The following ANKRD35 variants were observed in gnomAD, a reference collection of about 807,000 sequenced individuals.
ANKRD35 encodes ankyrin repeat domain-containing protein 35.
Under a neutral mutation model 109.9 loss-of-function variants are expected in ANKRD35, and 102 were observed. That is an observed-to-expected ratio of 0.93 (90% confidence interval 0.79 to 1.09). The LOEUF (loss-of-function observed/expected upper bound fraction) is 1.09, where lower values mean the gene tolerates loss of function less well. Among genes scored for constraint, ANKRD35 ranks in the 50% least tolerant of loss-of-function variants. ANKRD35 has a pLI of 0.00. For synonymous variants in ANKRD35, 515 were observed against 512.4 expected (o/e 1.01, Z -0.07); for missense variants, 1,240 against 1,230.1 (o/e 1.01, Z -0.12).
intron 12 of ANKRD35, 103 bp downstream of exon 12, chr1:145,867,888 G>A: frequency 8.9e-7 from 1 of 1,118,356 alleles, no homozygotes; most frequent in Non-Finnish European, 1.4e-6. Flanking sequence ...CCGAGAAACA[G>A]CAAGTGTGTA....
chr1:145,874,269 C>G, intron 8 of ANKRD35, 77 bp from the exon 9 acceptor site: 3 of 1,522,332 alleles, frequency 2.0e-6, no homozygotes, highest in Non-Finnish European at 2.7e-6. Context: ...TATCTTCAGA[C>G]TTTTTCTGAG....
chr1:145,882,399 G>A (rs1443332347), intron 1 of ANKRD35, among the ~76,000 whole-genome samples: 1 of 144,640 alleles, frequency 6.9e-6, no homozygotes, highest in East Asian at 2.0e-4. Flanking sequence ...GGGCTCAGGT[G>A]ATCCTCCCAC....
At chr1:145,868,201 TGTAATTCCTAGAATGTCTCCCTCA>T (rs1321834593) in intron 11 of ANKRD35, 86 bp downstream of exon 11, 44 of 1,486,148 alleles carry the variant, frequency 3.0e-5, no homozygotes, top group South Asian at 1.5e-4. Flanking sequence ...GCCAGGCCTC[TGTAATTCCTAGAATGTCTCCCTCA>T]GTAATTCCTA....
At chr1:145,877,881 C>A in intron 4 of ANKRD35, 87 bp downstream of exon 4, 12 of 1,367,218 alleles carry the variant, frequency 8.8e-6, no homozygotes, top group Non-Finnish European at 1.2e-5. Flanking sequence ...ATTTGGCCAA[C>A]TATTCCTTTT....
At position 145,870,541 on chromosome 1, in the gene ANKRD35, T is replaced by C. The variant is rs1166666686; in HGVS notation, c.2787+1441A>G. On this transcript the variant is annotated intron_variant, in intron 10 of 13. Coordinates refer to ENST00000355594, the MANE Select transcript of ANKRD35 (RefSeq NM_144698.5). Reference sequence around the variant, plus strand: ...AATCTTGGTCCAGAGAACACATTCTTAACCATGACACTATGTTTGCTTTCA... The same window carrying C: ...AATCTTGGTCCAGAGAACACATTCTCAACCATGACACTATGTTTGCTTTCA... 3.3e-5 allele frequency among the ~76,000 whole-genome samples: 5 copies of C among 152,316 alleles called. No individual in the cohort carries two copies. In the East Asian group the frequency reaches 7.7e-4, roughly 24 times the overall value.
rs1312849363 is a variant in ANKRD35, at chr1:145,877,878, C to T, written c.324+90G>A. 3.2e-5 allele frequency: 43 copies of T among 1,338,782 alleles called. No individual in the cohort carries two copies. In the East Asian group the frequency reaches 9.6e-4, roughly 30 times the overall value. 82.9% of individuals were successfully genotyped at this position (1,338,782 alleles called of 1,614,324 possible). A position where few individuals can be genotyped will look rare whatever the true frequency, so the allele number is the denominator to read the frequency against. ...TGGGGATGAGGCGAGTACATTTGGC[C>T]AACTATTCCTTTTAAGTATGAAATG... is the stretch of plus-strand genomic sequence containing the variant. On this transcript the variant is annotated intron_variant, in intron 4 of 13. Coordinates refer to ENST00000355594, the MANE Select transcript of ANKRD35 (RefSeq NM_144698.5).
At chr1:145,883,434 C>T (rs1654365608) in intron 1 of ANKRD35, among the ~76,000 whole-genome samples, 1 of 152,170 alleles carries the variant, frequency 6.6e-6, no homozygotes, top group African/African-American at 2.4e-5. Flanking sequence ...TTCTGGTCTA[C>T]CTAGGCAGAG....
In ANKRD35 at chr1:145,873,387, G is replaced by C. The variant is rs1653926911; in HGVS notation, c.1382C>G (p.Pro461Arg). The change falls in exon 10 of 14, where the codon CCT (proline) becomes CGT (arginine). Residue 461 changes from proline to arginine, a missense_variant. Coordinates refer to ENST00000355594, the MANE Select transcript of ANKRD35 (RefSeq NM_144698.5). The stretch of plus-strand genomic sequence containing the variant: ...CTGGGAACTCTCCTTCTGACCAGCA[G>C]GCAGCTGGTCAGCATGATCAGGGCC... ...TFGPDHADQLPAGQKESSQVL... is the reference protein window; with the variant it reads ...TFGPDHADQLRAGQKESSQVL... 1 of 1,614,070 alleles carries C rather than the reference G, an allele frequency of 6.2e-7. No individual in the cohort carries two copies. The highest frequency in any genetic ancestry group is 8.5e-7 in the Non-Finnish European group (1 of 1,180,046).
At position 145,872,976 on chromosome 1, in the gene ANKRD35, G is replaced by A; in HGVS notation, c.1793C>T (p.Ala598Val). The A allele has an allele frequency of 6.2e-7, 1 of 1,608,850 alleles. No individual in the cohort carries two copies. Among genetic ancestry groups the A allele is most frequent in the South Asian group, 1.1e-5 (1 of 90,476 alleles). The change falls in exon 10 of 14, where the codon GCC becomes GTC. Residue 598 changes from alanine to valine, a missense_variant. Physicochemically the swap from Ala to Val is moderately conservative, Grantham distance 64 (BLOSUM62 0). Coordinates refer to ENST00000355594, the MANE Select transcript of ANKRD35 (RefSeq NM_144698.5). ...VPGAQGEPLG[A>V]LGGEKALGGL... ...TCCTAGGGCCTTTTCCCCTCCAAGGGCCCCTAGAGGCTCTCCTTGAGCCCC... is the reference window on the plus strand; with the variant it reads ...TCCTAGGGCCTTTTCCCCTCCAAGGACCCCTAGAGGCTCTCCTTGAGCCCC...
intron 8 of ANKRD35, 50 bp downstream of exon 8, chr1:145,874,772 G>A: frequency 6.7e-7 from 1 of 1,497,702 alleles, no homozygotes; most frequent in South Asian, 1.4e-5. Context: ...GGGACTCTAA[G>A]AAACTTCTCT....
At chr1:145,875,722 G>A (rs1276539758) in intron 7 of ANKRD35, among the ~76,000 whole-genome samples, 1 of 151,856 alleles carries the variant, frequency 6.6e-6, no homozygotes, top group Non-Finnish European at 1.5e-5. Context: ...CCAATTTTTT[G>A]TATTTTTAGT....
chr1:145,876,395 C>A (rs1654076583), intron 6 of ANKRD35, 149 bp from the exon 7 acceptor site: 1 of 1,126,044 alleles, frequency 8.9e-7, no homozygotes, highest in African/African-American at 1.6e-5. Context: ...GTTAGAAGCT[C>A]TCCAGAAGAT....
At chr1:145,881,215 G>T (rs960682686) in intron 1 of ANKRD35, among the ~76,000 whole-genome samples, 1 of 152,210 alleles carries the variant, frequency 6.6e-6, no homozygotes, top group Non-Finnish European at 1.5e-5. Flanking sequence ...AACCTGGGAA[G>T]TGGAGGTTGC....
chr1:145,880,626 A>G (rs12125340), intron 1 of ANKRD35, among the ~76,000 whole-genome samples: 38,425 of 152,114 alleles, frequency 0.25, 5,989 homozygotes, highest in East Asian at 0.4. Context: ...GGCACATAGC[A>G]TTTTATAAGG....
Position 145,872,880 on chromosome 1 carries a change from T to G in ANKRD35, c.1889A>C (p.Glu630Ala), listed in dbSNP as rs1252262645. The G allele has an allele frequency of 4.3e-6, 7 of 1,613,838 alleles. No homozygotes were observed. In the Admixed American group the frequency reaches 1.0e-4, roughly 23 times the overall value. Residue 630 changes from glutamate (E) to alanine (A), a missense_variant, in exon 10 of 14, where the codon GAG becomes GCG. Transcript: ENST00000355594. ...LRLSNSNLLE[E>A]LGELGRERQR... ...CCGCTCCCGCCCCAACTCCCCTAAC[T>G]CCTCCAGCAAGTTACTGTTGCTCAG...
chr1:145,877,801 C>A (rs1293199045), intron 4 of ANKRD35, among the ~76,000 whole-genome samples, 167 bp downstream of exon 4: 1 of 152,212 alleles, frequency 6.6e-6, no homozygotes, highest in African/African-American at 2.4e-5. Context: ...ATGGTGCCTG[C>A]ACATAGTAGT....
chr1:145,871,908 G>A (rs1181376096), intron 10 of ANKRD35, 74 bp downstream of exon 10: 1 of 1,563,042 alleles, frequency 6.4e-7, no homozygotes, highest in Non-Finnish European at 8.6e-7. Flanking sequence ...AAAGGTTGCT[G>A]GATTCAGGTT....
intron 6 of ANKRD35, 46 bp from the exon 7 acceptor site, chr1:145,876,292 G>A (rs1553740089): frequency 6.4e-7 from 1 of 1,557,808 alleles, no homozygotes; most frequent in Non-Finnish European, 8.8e-7. Flanking sequence ...AGGGACTGCA[G>A]AGGCTTGACA....
In ANKRD35 at chr1:145,882,056, G is replaced by A. The variant is rs375114120; in HGVS notation, c.40-2668C>T. 1.7e-3 allele frequency among the ~76,000 whole-genome samples: 237 copies of A among 138,498 alleles called. 2 individuals are homozygous for A. The South Asian group carries it at 0.019, about 11-fold the overall frequency. The allele number at this position is 138,498 out of a possible 152,430, so 90.9% of individuals were successfully genotyped here. On this transcript the variant is annotated intron_variant, in intron 1 of 13. Transcript: ENST00000355594. ...TGCAACCTCCACCTCCCAGGTTCAC[G>A]CCATTCTCCTGCCTCAGCCTCCCGA... is the stretch of plus-strand genomic sequence containing the variant.
Sources: gnomAD v4.1 joint callset for allele counts (sites outside exome capture counted in the v4.1 genomes callset) on GRCh38, gnomAD v4.1.1 for gene constraint, MANE v1.5 for transcripts, NCBI Gene and HGNC (gene_info 2026-07-23, HGNC 2026-07-21) for gene names.